Variants in DLGAP2 observed in about 807,000 individuals in gnomAD.
DLGAP2 encodes the protein DLG associated protein 2.
In DLGAP2, 26 loss-of-function variants were observed where a neutral mutation model predicts 100.3. The observed-to-expected ratio is 0.26, with a 90% CI of 0.19 to 0.36. DLGAP2 has a LOEUF of 0.36. Among genes scored for constraint, DLGAP2 ranks in the 10% least tolerant of loss-of-function variants. The pLI is 1.00. For missense variants in DLGAP2, 1,858 were observed against 1,453.2 expected, an observed-to-expected ratio of 1.28 and a Z score of -4.53; for synonymous variants, 886 against 630.1, an observed-to-expected ratio of 1.41 and a Z score of -6.08.
At position 1,548,803 on chromosome 8, in the gene DLGAP2, G is replaced by A. The variant is rs769043986; in HGVS notation, c.350G>A (p.Arg117Gln). 7 of 1,579,294 alleles carry A rather than the reference G, an allele frequency of 4.4e-6. No individual in the cohort carries two copies. Among genetic ancestry groups the A allele is most frequent in the South Asian group, 1.1e-5 (1 of 88,054 alleles). The change falls in exon 5 of 15, where the codon CGG (arginine) becomes CAG (glutamine). Residue 117 changes from arginine to glutamine, a missense_variant. By Grantham distance (43) the Arg-to-Gln change is conservative. Transcript: ENST00000637795. ...CEHLHHGPDA[R>Q]PPYLLSPADS... ...CACCTGCACCACGGGCCCGACGCGC[G>A]GCCGCCCTACCTGCTGAGCCCCGCC... is the stretch of plus-strand genomic sequence containing the variant.
At chr8:1,505,357 G>T (rs1412893271) in intron 4 of DLGAP2, among the ~76,000 whole-genome samples, 1 of 152,208 alleles carries the variant, frequency 6.6e-6, no homozygotes, top group Non-Finnish European at 1.5e-5. Context: ...AGTGACATTT[G>T]CTTCTGGTCC....
chr8:1,291,046 G>T (rs6558437), intron 3 of DLGAP2, among the ~76,000 whole-genome samples: 119,106 of 152,116 alleles, frequency 0.78, 46,704 homozygotes, highest in African/African-American at 0.83. Context: ...AAGGTCTATA[G>T]GCACCAGAAT....
intron 2 of DLGAP2, among the ~76,000 whole-genome samples, chr8:1,135,406 G>A (rs1031346949): frequency 2.0e-5 from 3 of 151,972 alleles, no homozygotes; most frequent in Admixed American, 6.6e-5. Flanking sequence ...AGCCTTTGAG[G>A]GTGCGTCAGT....
intron 2 of DLGAP2, among the ~76,000 whole-genome samples, chr8:1,129,564 G>A (rs969451283): frequency 6.6e-6 from 1 of 152,096 alleles, no homozygotes; most frequent in East Asian, 1.9e-4. Flanking sequence ...ATATTATTTC[G>A]AGAGGGGCAC....
intron 2 of DLGAP2, among the ~76,000 whole-genome samples, chr8:1,099,400 T>A (rs923158443): frequency 6.6e-6 from 1 of 152,192 alleles, no homozygotes; most frequent in African/African-American, 2.4e-5. Flanking sequence ...TGCTCGCAAG[T>A]TTCATTCAAC....
At chr8:1,378,460 T>C (rs926940139) in intron 3 of DLGAP2, among the ~76,000 whole-genome samples, 8 of 151,314 alleles carry the variant, frequency 5.3e-5, no homozygotes, top group Non-Finnish European at 1.2e-4. Flanking sequence ...TGCGCACACC[T>C]GACTTCGCCT....
intron 2 of DLGAP2, among the ~76,000 whole-genome samples, chr8:1,124,938 C>T (rs1242753667): frequency 1.3e-5 from 2 of 152,304 alleles, no homozygotes; most frequent in Middle Eastern, 3.4e-3. Flanking sequence ...ACCGAGGAGG[C>T]ATCGTCCCCC....
chr8:1,185,906 G>T (rs1403909460), intron 2 of DLGAP2, among the ~76,000 whole-genome samples: 9 of 152,122 alleles, frequency 5.9e-5, no homozygotes, highest in Non-Finnish European at 1.2e-4. Context: ...TGAGAAGCAG[G>T]TTCCCTTCTG....
intron 6 of DLGAP2, among the ~76,000 whole-genome samples, chr8:1,609,515 G>A (rs1321723833): frequency 7.3e-6 from 1 of 136,430 alleles, no homozygotes; most frequent in Non-Finnish European, 1.6e-5. Flanking sequence ...ACAACATAAT[G>A]ACAGGATCAA....
chr8:1,630,641 G>A (rs1229680553), intron 7 of DLGAP2, among the ~76,000 whole-genome samples: 5 of 151,802 alleles, frequency 3.3e-5, no homozygotes, highest in African/African-American at 1.2e-4. Flanking sequence ...GGTGGAGCTT[G>A]CAGTGAGCCG....
Position 959,051 on chromosome 8 carries a change from T to C in DLGAP2, c.73+51085T>C, listed in dbSNP as rs145745049. Among the ~76,000 whole-genome samples, 64 of 152,352 alleles carry C rather than the reference T, an allele frequency of 4.2e-4. 1 individual carries two copies. In the Middle Eastern group the frequency reaches 0.014, roughly 32 times the overall value. ...GTGAGAAGGGCATGCTATGATAATA[T>C]CCACATAATTTTAATTATGGCTATG... On this transcript the variant is annotated intron_variant, in intron 2 of 14. Transcript: ENST00000637795.
intron 2 of DLGAP2, among the ~76,000 whole-genome samples, chr8:1,196,410 GGT>G (rs1797750518): frequency 6.6e-6 from 1 of 152,200 alleles, no homozygotes; most frequent in African/African-American, 2.4e-5. Context: ...AAGCCAGATA[GGT>G]GTGTGATGTT....
chr8:1,426,426 A>G (rs1198643316), intron 3 of DLGAP2, among the ~76,000 whole-genome samples: 1 of 152,198 alleles, frequency 6.6e-6, no homozygotes, highest in Non-Finnish European at 1.5e-5. Flanking sequence ...GCCCAGAGCT[A>G]GGGAGGAAAG....
chr8:1,267,244 T>TAAATA (rs199767284), intron 3 of DLGAP2, among the ~76,000 whole-genome samples: 16,297 of 138,522 alleles, frequency 0.12, 1,238 homozygotes, highest in Middle Eastern at 0.24. Context: ...AATAAATAAA[T>TAAATA]AAATAAAATA....
At chr8:1,546,416 CG>C (rs1801536304) in intron 4 of DLGAP2, among the ~76,000 whole-genome samples, 3 of 152,324 alleles carry the variant, frequency 2.0e-5, no homozygotes, top group African/African-American at 7.2e-5. Flanking sequence ...TGTGAGAAGC[CG>C]GTCCCTGACT....
At chr8:903,771 C>G (rs983485688) in intron 1 of DLGAP2, among the ~76,000 whole-genome samples, 4 of 152,176 alleles carry the variant, frequency 2.6e-5, no homozygotes, top group Non-Finnish European at 5.9e-5. Flanking sequence ...CAGACATGAC[C>G]TTATTTGGAA....
chr8:914,200 A>G (rs1798544913), intron 2 of DLGAP2, among the ~76,000 whole-genome samples: 2 of 152,216 alleles, frequency 1.3e-5, no homozygotes, highest in Admixed American at 1.3e-4. Context: ...AGAACAGCAA[A>G]AGCAAAGTCA....
chr8:754,353 C>T (rs962052363), intron 1 of DLGAP2: 1 of 152,220 alleles, frequency 6.6e-6, no homozygotes, highest in South Asian at 2.1e-4. Flanking sequence ...GGACAACTCT[C>T]TTCCTAAAAA....
chr8:827,793 A>T (rs1057391747), intron 1 of DLGAP2, among the ~76,000 whole-genome samples: 1 of 152,218 alleles, frequency 6.6e-6, no homozygotes, highest in Non-Finnish European at 1.5e-5. Flanking sequence ...GTGGAAAAGA[A>T]ACTGAGGACA....
Sources: allele counts gnomAD v4.1 joint callset (sites outside exome capture counted in the v4.1 genomes callset), GRCh38; gene constraint gnomAD v4.1.1; transcripts MANE v1.5; gene names NCBI Gene and HGNC (gene_info 2026-07-23, HGNC 2026-07-21).